LYSMD3: variants seen among roughly 807,000 people sequenced by gnomAD.
The protein encoded by LYSMD3 is LysM domain containing 3.
Under a neutral mutation model 26.1 loss-of-function variants are expected in LYSMD3, and 13 were observed. The observed-to-expected ratio is 0.50, with a 90% CI of 0.32 to 0.79. The LOEUF is 0.79. LYSMD3 is among the 30% of genes least tolerant of loss of function. The pLI is 0.03. For missense variants in LYSMD3, 331 were observed against 362.5 expected, an observed-to-expected ratio of 0.91 and a Z score of 0.71; for synonymous variants, 109 against 119.4, an observed-to-expected ratio of 0.91 and a Z score of 0.57.
In LYSMD3 at chr5:90,517,348, TC is replaced by T. The variant is rs1230378824; in HGVS notation, c.*1470del. ...AATGACTTATCAAAAGCCTGAAACA[TC>T]AACAATTAGGAAATAATGCCCAGAA... On this transcript the variant is annotated 3_prime_UTR_variant, in exon 3 of 3. Transcript: ENST00000315948. 6.6e-6 allele frequency: 1 copy of T among 151,960 alleles called. No homozygotes were observed. Among genetic ancestry groups the T allele is most frequent in the African/African-American group, 2.4e-5 (1 of 41,418 alleles). The allele number at this position is 151,960 out of a possible 1,614,324, so 9.4% of individuals were successfully genotyped here.
rs1272919655 is a variant in LYSMD3, at chr5:90,517,592, C to G, written c.*1227G>C. ...AAAAAGAGGCACTACCACCCCCTTT[C>G]AAGCAATCTATACACCTTTGGCCTT... On this transcript the variant is annotated 3_prime_UTR_variant, in exon 3 of 3. Coordinates refer to ENST00000315948, the MANE Select transcript of LYSMD3 (RefSeq NM_198273.2). 6.6e-5 allele frequency: 10 copies of G among 152,056 alleles called. No homozygotes were observed. Among genetic ancestry groups the G allele is most frequent in the African/African-American group, 1.9e-4 (8 of 41,424 alleles). The allele number at this position is 152,056 out of a possible 1,614,324, so 9.4% of individuals were successfully genotyped here.
rs186283577 is a variant in LYSMD3, at chr5:90,521,312, G to C, written c.256-1828C>G. On this transcript the variant is annotated intron_variant, in intron 2 of 2. Transcript: ENST00000315948. Reference sequence around the variant, plus strand: ...GTGATTTATGGTATGTCATATAAAAGTTAGCTATTATTAAATGTTAATAGT... The same window carrying C: ...GTGATTTATGGTATGTCATATAAAACTTAGCTATTATTAAATGTTAATAGT... 2.6e-5 allele frequency among the ~76,000 whole-genome samples: 4 copies of C among 152,162 alleles called. No individual in the cohort carries two copies. In the East Asian group the frequency reaches 7.7e-4, roughly 29 times the overall value.
chr5:90,520,724 A>C (rs1053463001), intron 2 of LYSMD3, among the ~76,000 whole-genome samples: 1 of 152,264 alleles, frequency 6.6e-6, no homozygotes. Flanking sequence ...GTTCAAGACC[A>C]GTGTGGCCAA....
chr5:90,519,492 G>C lies in LYSMD3; in HGVS notation c.256-8C>G, dbSNP rs753824313. On this transcript the variant is annotated splice_polypyrimidine_tract_variant and splice_region_variant and intron_variant, in intron 2 of 2. Coordinates refer to ENST00000315948, the MANE Select transcript of LYSMD3 (RefSeq NM_198273.2). ...TCTCTTGATATCTGCTACCTGTGGGGGGGAAAAAAAAGCAACATACAACTG... is the reference window on the plus strand; with the variant it reads ...TCTCTTGATATCTGCTACCTGTGGGCGGGAAAAAAAAGCAACATACAACTG... The C allele has an allele frequency of 6.5e-7, 1 of 1,544,222 alleles. No homozygotes were observed. The highest frequency in any genetic ancestry group is 1.9e-5 in the Admixed American group (1 of 52,642).
At chr5:90,527,545 GGC>G (rs1169985573) in intron 1 of LYSMD3, among the ~76,000 whole-genome samples, 1 of 152,006 alleles carries the variant, frequency 6.6e-6, no homozygotes, top group African/African-American at 2.4e-5. Context: ...CCACAAGGGT[GGC>G]TGAGATAGTG....
chr5:90,524,235 A>G lies in LYSMD3; in HGVS notation c.255+800T>C, dbSNP rs1454661938. ...TTGAGGGATGGTCATGAGGGTGTCCATGATACACTAAAGAATGAAAAATGC... is the reference window on the plus strand; with the variant it reads ...TTGAGGGATGGTCATGAGGGTGTCCGTGATACACTAAAGAATGAAAAATGC... On this transcript the variant is annotated intron_variant, in intron 2 of 2. Transcript: ENST00000315948. Among the ~76,000 whole-genome samples the G allele has an allele frequency of 2.6e-5, 4 of 152,238 alleles. No individual in the cohort carries two copies. In the East Asian group the frequency reaches 7.7e-4, roughly 29 times the overall value.
At position 90,518,682 on chromosome 5, in the gene LYSMD3, G is replaced by C. The variant is rs985946284; in HGVS notation, c.*137C>G. Reference sequence around the variant, plus strand: ...ACTAGTTGCTCAAAAAATTTTCAAAGTGTGAAACCCTTTTGTTAAAAACAA... The same window carrying C: ...ACTAGTTGCTCAAAAAATTTTCAAACTGTGAAACCCTTTTGTTAAAAACAA... On this transcript the variant is annotated 3_prime_UTR_variant, in exon 3 of 3. Transcript: ENST00000315948. 1.2e-6 allele frequency: 1 copy of C among 854,846 alleles called. No homozygotes were observed. The highest frequency in any genetic ancestry group is 1.7e-5 in the African/African-American group (1 of 58,422). 53.0% of individuals were successfully genotyped at this position (854,846 alleles called of 1,614,324 possible). A position where few individuals can be genotyped will look rare whatever the true frequency, so the allele number is the denominator to read the frequency against.
At position 90,518,991 on chromosome 5, in the gene LYSMD3, T is replaced by G; in HGVS notation, c.749A>C (p.His250Pro). 3.7e-6 allele frequency: 6 copies of G among 1,614,120 alleles called. No individual in the cohort carries two copies. Among genetic ancestry groups the G allele is most frequent in the Non-Finnish European group, 5.1e-6 (6 of 1,179,972 alleles). ...ATGTGAAGAGTCCACTGTTGAATGA[T>G]GACTAACATCCACCTTAGCTAAAAT... is the stretch of plus-strand genomic sequence containing the variant. ...YEILAKVDVS[H>P]HSTVDSSHLH... The change falls in exon 3 of 3, where the codon CAT becomes CCT. Residue 250 changes from histidine (H) to proline (P), a missense_variant. Physicochemically the swap from His to Pro is moderately conservative, Grantham distance 77. This residue lies in a region of LYSMD3 where 61 missense variants were observed against 66.8 expected (regional missense o/e 0.91). Coordinates refer to ENST00000315948, the MANE Select transcript of LYSMD3 (RefSeq NM_198273.2).
Position 90,525,043 on chromosome 5 carries a change from A to G in LYSMD3, c.247T>C (p.Cys83Arg). 5 of 1,597,978 alleles carry G rather than the reference A, an allele frequency of 3.1e-6. No homozygotes were observed. The highest frequency in any genetic ancestry group is 4.3e-6 in the Non-Finnish European group (5 of 1,170,370). Residue 83 changes from cysteine to arginine, a missense_variant, in exon 2 of 3, where the codon TGT becomes CGT. By Grantham distance (180) the Cys-to-Arg change is radical. Transcript: ENST00000315948. ...DTLNAIALQY[C>R]CTVADIKRVN... Reference sequence around the variant, plus strand: ...GTAATATTAAAACTTACCGTACAACAGTACTGAAGGGCTATTGCATTTAAT... The same window carrying G: ...GTAATATTAAAACTTACCGTACAACGGTACTGAAGGGCTATTGCATTTAAT...
In LYSMD3 at chr5:90,529,554, G is replaced by A. The variant is rs1177235099; in HGVS notation, c.-118C>T. On this transcript the variant is annotated 5_prime_UTR_variant, in exon 1 of 3. In the 5' UTR this introduces an upstream ATG that the reference lacks. Transcript: ENST00000315948. ...CGAGCCTCTGCTTTGGGCTGACCCC[G>A]TCCGCCTCCGCCTCTGCCGCCAACG... The A allele has an allele frequency of 6.6e-6, 3 of 456,580 alleles. No homozygotes were observed. The highest frequency in any genetic ancestry group is 4.4e-6 in the Non-Finnish European group (1 of 226,926). The allele number at this position is 456,580 out of a possible 1,614,324, so 28.3% of individuals were successfully genotyped here. A position where few individuals can be genotyped will look rare whatever the true frequency, so the allele number is the denominator to read the frequency against.
At chr5:90,525,895 A>G (rs1753211806) in intron 1 of LYSMD3, among the ~76,000 whole-genome samples, 1 of 152,244 alleles carries the variant, frequency 6.6e-6, no homozygotes. Context: ...GCAAATTGCT[A>G]TAATTCTTTT....
At position 90,525,205 on chromosome 5, in the gene LYSMD3, C is replaced by T; in HGVS notation, c.85G>A (p.Asp29Asn). Residue 29 changes from aspartate to asparagine, a missense_variant, in exon 2 of 3, where the codon GAC becomes AAC. Transcript: ENST00000315948. Reference protein sequence around the residue: ...GQVHAFGNCSDSDILEEDAEV... With the variant: ...GQVHAFGNCSNSDILEEDAEV... ...GCATCCTCCTCCAAAATATCACTGTCTGAACAATTTCCAAATGCATGTACT... is the reference window on the plus strand; with the variant it reads ...GCATCCTCCTCCAAAATATCACTGTTTGAACAATTTCCAAATGCATGTACT... 1 of 1,614,038 alleles carries T rather than the reference C, an allele frequency of 6.2e-7. No homozygotes were observed. Among genetic ancestry groups the T allele is most frequent in the South Asian group, 1.1e-5 (1 of 91,086 alleles).
rs767186566 is a variant in LYSMD3, at chr5:90,518,993, A to C, written c.747T>G (p.Ser249Arg). The part of the protein sequence containing the change: ...YYEILAKVDV[S>R]HHSTVDSSHL... The stretch of plus-strand genomic sequence containing the variant: ...GTGAAGAGTCCACTGTTGAATGATG[A>C]CTAACATCCACCTTAGCTAAAATTT... The change falls in exon 3 of 3, where the codon AGT becomes AGG. Residue 249 changes from serine to arginine, a missense_variant. Physicochemically the swap from Ser to Arg is moderately radical, Grantham distance 110 (BLOSUM62 -1). This residue lies in a region of LYSMD3 where 61 missense variants were observed against 66.8 expected (regional missense o/e 0.91). Transcript: ENST00000315948. The C allele has an allele frequency of 6.2e-7, 1 of 1,614,090 alleles. No individual in the cohort carries two copies. The highest frequency in any genetic ancestry group is 8.5e-7 in the Non-Finnish European group (1 of 1,179,970).
intron 2 of LYSMD3, among the ~76,000 whole-genome samples, chr5:90,523,811 T>C (rs762576879): frequency 3.9e-5 from 6 of 152,154 alleles, no homozygotes; most frequent in Admixed American, 2.0e-4. Context: ...ATGAGGTACA[T>C]AGTACATATA....
intron 2 of LYSMD3, among the ~76,000 whole-genome samples, chr5:90,524,485 G>T (rs1753167688): frequency 6.6e-6 from 1 of 152,226 alleles, no homozygotes; most frequent in Admixed American, 6.5e-5. Context: ...AGATAACATA[G>T]TTGAGTGTTT....
intron 2 of LYSMD3, among the ~76,000 whole-genome samples, chr5:90,523,575 C>T (rs143019424): frequency 6.6e-6 from 1 of 152,078 alleles, no homozygotes; most frequent in African/African-American, 2.4e-5. Context: ...GATATAAAAT[C>T]TCATGCTATT....
At chr5:90,519,722 C>T (rs1753043462) in intron 2 of LYSMD3, among the ~76,000 whole-genome samples, 2 of 152,082 alleles carry the variant, frequency 1.3e-5, no homozygotes, top group African/African-American at 4.8e-5. Context: ...GTTAGTAACA[C>T]TAATTAATGC....
chr5:90,520,342 T>G (rs1231704902), intron 2 of LYSMD3: 1 of 454,662 alleles, frequency 2.2e-6, no homozygotes, highest in Non-Finnish European at 4.4e-6. Flanking sequence ...CATCAATACT[T>G]TAAAACCTAA....
chr5:90,525,326 A>G (rs1753197775), intron 1 of LYSMD3, 26 bp from the exon 2 acceptor site: 1 of 1,557,940 alleles, frequency 6.4e-7, no homozygotes, highest in Non-Finnish European at 8.7e-7. Context: ...AGCAGAGAAA[A>G]TTTTGGAATG....
Sources: allele counts gnomAD v4.1 joint callset (sites outside exome capture counted in the v4.1 genomes callset), GRCh38; gene constraint gnomAD v4.1.1; regional missense constraint gnomAD v4.1.1; transcripts MANE v1.5; gene names NCBI Gene and HGNC (gene_info 2026-07-23, HGNC 2026-07-21).